RUFY4: variants seen among roughly 807,000 people sequenced by gnomAD.
RUFY4 encodes the protein RUN and FYVE domain-containing protein 4.
RUFY4 carries 73 observed loss-of-function variants against 69.0 expected under a neutral mutation model. The observed-to-expected ratio is 1.06, with a 90% CI of 0.88 to 1.29. The LOEUF is 1.29. Among genes scored for constraint, RUFY4 ranks in the 50% most tolerant of loss-of-function variants. RUFY4 has a pLI of 0.00. For synonymous variants in RUFY4, 287 were observed against 271.8 expected, an observed-to-expected ratio of 1.06 and a Z score of -0.55; for missense variants, 770 against 705.6, an observed-to-expected ratio of 1.09 and a Z score of -1.03.
Position 218,072,891 on chromosome 2 carries a change from G to T in RUFY4, c.386+6G>T, listed in dbSNP as rs1689526408. 6.6e-7 allele frequency: 1 copy of T among 1,517,300 alleles called. No individual in the cohort carries two copies. Among genetic ancestry groups the T allele is most frequent in the Non-Finnish European group, 8.8e-7 (1 of 1,137,340 alleles). The allele number at this position is 1,517,300 out of a possible 1,614,324, so 94.0% of individuals were successfully genotyped here. On this transcript the variant is annotated splice_donor_region_variant and intron_variant, in intron 4 of 10. Coordinates refer to ENST00000344321, the Ensembl canonical transcript of RUFY4. ...CTGAACTCAGAGCTCACCAGGTGGG[G>T]CTGTTGGGACATCCTCCTGCCGATG...
At chr2:218,067,720 T>G (rs1292006750), upstream of RUFY4, among the ~76,000 whole-genome samples, 2 of 152,160 alleles carry the variant, frequency 1.3e-5, no homozygotes, top group African/African-American at 2.4e-5. Context: ...CTGCCACTGT[T>G]GCACACCAGC....
intron 2 of RUFY4, among the ~76,000 whole-genome samples, chr2:218,055,687 C>T (rs558665542): frequency 1.1e-4 from 16 of 152,262 alleles, no homozygotes; most frequent in East Asian, 1.9e-4. Flanking sequence ...TTCCTAAAGC[C>T]CTAAACTAAA....
intron 3 of RUFY4, among the ~76,000 whole-genome samples, chr2:218,058,875 T>A (rs1007871216): frequency 6.6e-6 from 1 of 152,182 alleles, no homozygotes; most frequent in Non-Finnish European, 1.5e-5. Flanking sequence ...CTGACACTCC[T>A]GACTACTGCT....
chr2:218,083,023 G>A, intron 8 of RUFY4, 87 bp from the exon 11 acceptor site: 1 of 1,457,472 alleles, frequency 6.9e-7, no homozygotes, highest in Non-Finnish European at 9.1e-7. Flanking sequence ...TCTCCCATGG[G>A]CTCCCTCTCT....
intron 2 of RUFY4, among the ~76,000 whole-genome samples, chr2:218,055,378 G>A (rs1014595866): frequency 6.6e-5 from 10 of 150,566 alleles, no homozygotes; most frequent in African/African-American, 2.0e-4. Flanking sequence ...CTGGGCAACA[G>A]GGTGAGACCC....
chr2:218,062,867 T>A (rs114973322), intron 3 of RUFY4, among the ~76,000 whole-genome samples: 2 of 152,196 alleles, frequency 1.3e-5, no homozygotes, highest in African/African-American at 4.8e-5. Flanking sequence ...ACAGCCAGCC[T>A]GCACCCCAAT....
intron 3 of RUFY4, 135 bp from the exon 6 acceptor site, chr2:218,072,644 A>G: frequency 1.5e-6 from 2 of 1,332,400 alleles, no homozygotes; most frequent in Non-Finnish European, 2.0e-6. Context: ...CCCTCCAGAC[A>G]CCCTTTTCCT....
chr2:218,065,944 T>C (rs1689314310), upstream of RUFY4, among the ~76,000 whole-genome samples: 1 of 150,264 alleles, frequency 6.7e-6, no homozygotes, highest in African/African-American at 2.5e-5. Flanking sequence ...TGCCCCTCCT[T>C]CAGCCACTGG....
At chr2:218,035,503 C>T (rs1405187587) in intron 2 of RUFY4, 5 of 152,522 alleles carry the variant, frequency 3.3e-5, no homozygotes, top group Non-Finnish European at 7.3e-5. Context: ...GCCCCAGCCA[C>T]CTCCCTCATT....
chr2:218,075,632 C>T (rs575133624), exon 7 of RUFY4: 107 of 1,515,638 alleles, frequency 7.1e-5, no homozygotes, highest in Non-Finnish European at 8.5e-5. Flanking sequence ...TTCAGGGACA[C>T]GCAACAAAGG....
rs144979947 is a variant in RUFY4, at chr2:218,042,196, G to T, written c.-1158+6802G>T. ...GACAATCAGGAGAATAATATCCAAG[G>T]GCTGAAAAATTCCCTGGAGCAAAGT... is the stretch of plus-strand genomic sequence containing the variant. On this transcript the variant is annotated intron_variant and NMD_transcript_variant, in intron 2 of 13. Coordinates refer to the RUFY4 transcript ENST00000457754. Among the ~76,000 whole-genome samples, 245 of 152,180 alleles carry T rather than the reference G, an allele frequency of 1.6e-3. 2 individuals are homozygous for T. The highest frequency in any genetic ancestry group is 0.014 in the Middle Eastern group (4 of 294).
chr2:218,042,456 C>T (rs781447093), intron 2 of RUFY4, among the ~76,000 whole-genome samples: 37 of 152,144 alleles, frequency 2.4e-4, no homozygotes, highest in East Asian at 3.8e-4. Flanking sequence ...GTTAATATTT[C>T]GAGCAAAGTA....
At chr2:218,068,119 G>GGAGGATGGCAGGGGGTTA (rs1689387756), upstream of RUFY4, among the ~76,000 whole-genome samples, 5 of 122,810 alleles carry the variant, frequency 4.1e-5, no homozygotes, top group African/African-American at 1.4e-4. Context: ...GCAGGGGACT[G>GGAGGATGGCAGGGGGTTA]GAGGAGGGCA....
upstream of RUFY4, among the ~76,000 whole-genome samples, chr2:218,066,447 T>C (rs1407824145): frequency 6.6e-6 from 1 of 152,226 alleles, no homozygotes; most frequent in African/African-American, 2.4e-5. Context: ...AGTGCTGGGA[T>C]TACAGGCGTG....
At chr2:218,048,525 A>G (rs1249956256) in intron 2 of RUFY4, among the ~76,000 whole-genome samples, 1 of 152,028 alleles carries the variant, frequency 6.6e-6, no homozygotes, top group African/African-American at 2.4e-5. Flanking sequence ...CTATACCCAG[A>G]ATGGTATTTC....
chr2:218,086,512 C>A (rs1689897548), intron 9 of RUFY4, among the ~76,000 whole-genome samples: 2 of 152,180 alleles, frequency 1.3e-5, no homozygotes, highest in Non-Finnish European at 1.5e-5. Flanking sequence ...GTCTATGGTG[C>A]AATTCTTTTC....
In RUFY4 at chr2:218,041,794, C is replaced by T. The variant is rs532526949; in HGVS notation, c.-1158+6400C>T. Reference sequence around the variant, plus strand: ...GCAAGCTTGAGGTAATTTGTAAGTCCTGCCTGGTTTTGTCTTCTCAGGGAT... The same window carrying T: ...GCAAGCTTGAGGTAATTTGTAAGTCTTGCCTGGTTTTGTCTTCTCAGGGAT... On this transcript the variant is annotated intron_variant and NMD_transcript_variant, in intron 2 of 13. Coordinates refer to the RUFY4 transcript ENST00000457754. 7.9e-5 allele frequency among the ~76,000 whole-genome samples: 12 copies of T among 152,272 alleles called. No individual in the cohort carries two copies. The East Asian group carries it at 2.3e-3, about 29-fold the overall frequency.
chr2:218,078,855 G>GT (rs1294772594), intron 8 of RUFY4, among the ~76,000 whole-genome samples: 3 of 151,860 alleles, frequency 2.0e-5, no homozygotes, highest in East Asian at 1.9e-4. Context: ...GTTGTTGTTG[G>GT]TTTTTTTGTT....
chr2:218,041,363 G>C (rs73990698), intron 2 of RUFY4, among the ~76,000 whole-genome samples: 13,361 of 152,202 alleles, frequency 0.088, 1,824 homozygotes, highest in African/African-American at 0.29. Flanking sequence ...AGAATCTGTA[G>C]ATCAAGTTGG....
Sources: gnomAD v4.1 joint callset for allele counts (sites outside exome capture counted in the v4.1 genomes callset) on GRCh38, gnomAD v4.1.1 for gene constraint, MANE v1.5 for transcripts, NCBI Gene and HGNC (gene_info 2026-07-23, HGNC 2026-07-21) for gene names.